SLC4A4: variants seen among roughly 807,000 people sequenced by gnomAD.
SLC4A4 encodes the protein solute carrier family 4 member 4, also known as electrogenic sodium bicarbonate cotransporter 1.
A neutral mutation model predicts 111.5 loss-of-function variants in SLC4A4; 27 were observed. The observed-to-expected ratio is 0.24, with a 90% CI of 0.18 to 0.33. The LOEUF is 0.33. SLC4A4 is among the 10% of genes least tolerant of loss of function. The probability of loss-of-function intolerance (pLI) is 1.00; values close to 1 mark genes in which losing one functional copy is unlikely to be tolerated. For missense variants in SLC4A4, 909 were observed against 1,315.5 expected, an observed-to-expected ratio of 0.69 and a Z score of 4.78; for synonymous variants, 443 against 463.4, an observed-to-expected ratio of 0.96 and a Z score of 0.57.
chr4:71,372,161 A>G (rs1731953681), intron 6 of SLC4A4, among the ~76,000 whole-genome samples: 1 of 152,246 alleles, frequency 6.6e-6, no homozygotes, highest in Non-Finnish European at 1.5e-5. Context: ...ACTAGAAGTT[A>G]CTAACTACCT....
rs1357201110 is a variant in SLC4A4 at position 71,568,045 on chromosome 4, A to T, written c.*294A>T. 5.2e-6 allele frequency: 3 copies of T among 581,556 alleles called. No homozygotes were observed. The Admixed American group carries it at 1.0e-4, about 20-fold the overall frequency. 36.0% of individuals were successfully genotyped at this position (581,556 alleles called of 1,614,324 possible). A position where few individuals can be genotyped will look rare whatever the true frequency, so the allele number is the denominator to read the frequency against. On this transcript the variant is annotated 3_prime_UTR_variant, in exon 26 of 26. Transcript: ENST00000264485. ...CTCTGCTTCTCTCTTGCATAGACAC[A>T]ATCAAGACAATAGTGCACCGTTCCT...
At chr4:71,078,668 A>G (rs1274850164) in intron 1 of SLC4A4, among the ~76,000 whole-genome samples, 2 of 152,186 alleles carry the variant, frequency 1.3e-5, no homozygotes, top group Non-Finnish European at 1.5e-5. Flanking sequence ...CGCTCAGCTC[A>G]TACTCATTCT....
At chr4:71,372,220 T>C (rs1480067913) in intron 6 of SLC4A4, among the ~76,000 whole-genome samples, 1 of 152,254 alleles carries the variant, frequency 6.6e-6, no homozygotes, top group Non-Finnish European at 1.5e-5. Context: ...TCTCATCATT[T>C]TTACATTGTG....
chr4:71,503,255 G>A (rs929649043), intron 16 of SLC4A4, among the ~76,000 whole-genome samples: 1 of 110,644 alleles, frequency 9.0e-6, no homozygotes, highest in Non-Finnish European at 1.9e-5. Flanking sequence ...TTTTTTTTTT[G>A]TCCATTCATT....
chr4:71,305,602 A>G (rs1021131657), intron 3 of SLC4A4, among the ~76,000 whole-genome samples: 2 of 152,262 alleles, frequency 1.3e-5, no homozygotes, highest in Non-Finnish European at 2.9e-5. Flanking sequence ...TGGGATATGC[A>G]AAACCTTTCC....
chr4:71,336,811 G>A (rs150397616), intron 3 of SLC4A4, among the ~76,000 whole-genome samples: 67 of 152,322 alleles, frequency 4.4e-4, no homozygotes, highest in African/African-American at 1.6e-3. Context: ...CATATACAGA[G>A]TCTTTCAATG....
At chr4:71,106,221 A>T (rs2148949135) in intron 2 of SLC4A4, among the ~76,000 whole-genome samples, 1 of 149,938 alleles carries the variant, frequency 6.7e-6, no homozygotes, top group South Asian at 2.1e-4. Flanking sequence ...AACCACAATG[A>T]GCTACCATCT....
At chr4:71,152,335 T>C (rs1322943778) in intron 2 of SLC4A4, among the ~76,000 whole-genome samples, 4 of 152,178 alleles carry the variant, frequency 2.6e-5, no homozygotes, top group Non-Finnish European at 4.4e-5. Flanking sequence ...TTTTGAACTT[T>C]ACATATGTGG....
At chr4:71,404,890 G>A (rs754606386) in intron 7 of SLC4A4, among the ~76,000 whole-genome samples, 4 of 151,834 alleles carry the variant, frequency 2.6e-5, no homozygotes, top group Non-Finnish European at 5.9e-5. Flanking sequence ...CCACCTTTTG[G>A]GCTTAAGCTA....
chr4:71,548,029 C>G (rs2278892), intron 20 of SLC4A4, among the ~76,000 whole-genome samples: 26,615 of 151,830 alleles, frequency 0.18, 2,776 homozygotes, highest in Middle Eastern at 0.25. Context: ...TCTTCTCCCC[C>G]TCCTCCACAC....
At chr4:71,290,485 C>A (rs77989965) in intron 3 of SLC4A4, among the ~76,000 whole-genome samples, 1,715 of 152,240 alleles carry the variant, frequency 0.011, 34 homozygotes, top group African/African-American at 0.04. Context: ...AAGACCTATT[C>A]GACTTCTCAA....
rs778940613 is a variant in SLC4A4 at position 71,369,982 on chromosome 4, T to A, written c.730+12795T>A. Among the ~76,000 whole-genome samples, 13 of 152,154 alleles carry A rather than the reference T, an allele frequency of 8.5e-5. No homozygotes were observed. In the South Asian group the frequency reaches 2.7e-3, roughly 31 times the overall value. ...ACCCTTGGTCTGGGAGTGGCAGTAA[T>A]AGAAAGGGCTTTTAGAGCAGGTGTT... is the stretch of plus-strand genomic sequence containing the variant. On this transcript the variant is annotated intron_variant, in intron 6 of 25. Coordinates refer to ENST00000264485, the MANE Select transcript of SLC4A4 (RefSeq NM_001098484.3).
At position 71,570,666 on chromosome 4, in the gene SLC4A4, C is replaced by T. The variant is rs1737878378; in HGVS notation, c.*2915C>T. 1 of 152,124 alleles carries T rather than the reference C, an allele frequency of 6.6e-6. No homozygotes were observed. 9.4% of individuals were successfully genotyped at this position (152,124 alleles called of 1,614,324 possible). On this transcript the variant is annotated 3_prime_UTR_variant, in exon 26 of 26. Coordinates refer to ENST00000264485, the MANE Select transcript of SLC4A4 (RefSeq NM_001098484.3). The stretch of plus-strand genomic sequence containing the variant: ...ACAAAGTACGCTCAGAGTTGTTAAC[C>T]AGAAAGTCCTGGCTGTGGTTGCAGA...
intron 16 of SLC4A4, among the ~76,000 whole-genome samples, chr4:71,499,118 A>G (rs1730678595): frequency 1.3e-5 from 2 of 151,334 alleles, no homozygotes; most frequent in Non-Finnish European, 1.5e-5. Context: ...TAAGTAATTT[A>G]TTGGGCATCT....
At chr4:71,537,244 G>A (rs2149218803) in intron 18 of SLC4A4, among the ~76,000 whole-genome samples, 1 of 134,264 alleles carries the variant, frequency 7.4e-6, no homozygotes, top group South Asian at 2.4e-4. Flanking sequence ...TCCCTCATAT[G>A]GTGGTTATGA....
At chr4:71,471,204 A>G (rs781144841) in intron 13 of SLC4A4, among the ~76,000 whole-genome samples, 2 of 151,992 alleles carry the variant, frequency 1.3e-5, no homozygotes, top group African/African-American at 2.4e-5. Context: ...ACAGACATGC[A>G]TTTATTCATC....
At chr4:71,183,584 ATATC>A (rs779517094), upstream of SLC4A4, among the ~76,000 whole-genome samples, 1 of 152,208 alleles carries the variant, frequency 6.6e-6, no homozygotes. Flanking sequence ...CTATCGATCT[ATATC>A]TATCTATCTT....
intron 23 of SLC4A4, among the ~76,000 whole-genome samples, chr4:71,560,562 A>G (rs1736887049): frequency 6.6e-6 from 1 of 151,834 alleles, no homozygotes; most frequent in Non-Finnish European, 1.5e-5. Context: ...TTTGCTTAGT[A>G]ATGCTATAAA....
At chr4:71,548,283 G>A (rs1481149218) in intron 20 of SLC4A4, among the ~76,000 whole-genome samples, 1 of 151,796 alleles carries the variant, frequency 6.6e-6, no homozygotes, top group Non-Finnish European at 1.5e-5. Flanking sequence ...TAATTAGAAA[G>A]CTTTAGAAAT....
Sources: allele counts gnomAD v4.1 joint callset (sites outside exome capture counted in the v4.1 genomes callset), GRCh38; gene constraint gnomAD v4.1.1; transcripts MANE v1.5; gene names NCBI Gene and HGNC (gene_info 2026-07-23, HGNC 2026-07-21).